STK32B: variants seen among roughly 807,000 people sequenced by gnomAD.
STK32B encodes the protein serine/threonine kinase 32B.
In STK32B, 43 loss-of-function variants were observed where a neutral mutation model predicts 52.6. That is an observed-to-expected ratio of 0.82 (90% CI 0.64 to 1.05). STK32B has a LOEUF of 1.05. Ranked by LOEUF, STK32B falls within the 50% of genes least tolerant of loss-of-function variation. STK32B has a pLI of 0.00. For synonymous variants in STK32B, 238 were observed against 204.3 expected (o/e 1.17, Z -1.41); for missense variants, 621 against 534.6 (o/e 1.16, Z -1.59).
chr4:5,345,794 A>T (rs1273180432), intron 4 of STK32B, among the ~76,000 whole-genome samples: 1 of 152,268 alleles, frequency 6.6e-6, no homozygotes, highest in Non-Finnish European at 1.5e-5. Context: ...CTGCTATCCA[A>T]GCTTTCGTGA....
chr4:5,173,031 G>C (rs1719520405), intron 3 of STK32B, among the ~76,000 whole-genome samples: 1 of 152,228 alleles, frequency 6.6e-6, no homozygotes, highest in African/African-American at 2.4e-5. Context: ...TCTTGATTTA[G>C]TCTTGGGAGA....
intron 3 of STK32B, among the ~76,000 whole-genome samples, chr4:5,318,377 G>T (rs1227861138): frequency 6.6e-6 from 1 of 152,000 alleles, no homozygotes; most frequent in African/African-American, 2.4e-5. Flanking sequence ...GGAAGATGGA[G>T]CAGGGAAAAG....
chr4:5,063,836 T>C (rs1414937256), intron 1 of STK32B, among the ~76,000 whole-genome samples: 3 of 152,228 alleles, frequency 2.0e-5, no homozygotes, highest in Admixed American at 6.5e-5. Context: ...TTTATTACTG[T>C]TGACTTTTCA....
intron 3 of STK32B, among the ~76,000 whole-genome samples, chr4:5,219,671 CCT>C (rs1358871513): frequency 6.6e-6 from 1 of 152,200 alleles, no homozygotes; most frequent in Non-Finnish European, 1.5e-5. Flanking sequence ...GTAAGAAGTC[CCT>C]GTTAGGGCTG....
At chr4:5,329,492 TTCC>T (rs1328354435) in intron 3 of STK32B, among the ~76,000 whole-genome samples, 2 of 152,130 alleles carry the variant, frequency 1.3e-5, no homozygotes, top group Non-Finnish European at 2.9e-5. Flanking sequence ...ACTTTCCCAA[TTCC>T]TCCCACCCAC....
intron 1 of STK32B, among the ~76,000 whole-genome samples, chr4:5,070,684 G>A (rs1346627424): frequency 6.7e-6 from 1 of 148,312 alleles, no homozygotes; most frequent in African/African-American, 2.4e-5. Context: ...ACACAAGTAA[G>A]AAAGGATATG....
At chr4:5,324,498 G>A (rs1250436067) in intron 3 of STK32B, among the ~76,000 whole-genome samples, 1 of 152,134 alleles carries the variant, frequency 6.6e-6, no homozygotes, top group Non-Finnish European at 1.5e-5. Flanking sequence ...CTTAAAGGAG[G>A]GAGCGTCAGT....
At chr4:5,032,908 A>G in the STK32B span, among the ~76,000 whole-genome samples, 1 of 152,166 alleles carries the variant, frequency 6.6e-6, no homozygotes, top group Admixed American at 6.5e-5. Flanking sequence ...CTGAGCTCAC[A>G]GACCGGCTCT....
chr4:5,220,088 A>G (rs1313729355), intron 3 of STK32B, among the ~76,000 whole-genome samples: 1 of 152,186 alleles, frequency 6.6e-6, no homozygotes, highest in East Asian at 1.9e-4. Flanking sequence ...AAAGACTGCA[A>G]ACTCCAGTCT....
At chr4:5,026,594 G>A in the STK32B span, among the ~76,000 whole-genome samples, 4 of 152,314 alleles carry the variant, frequency 2.6e-5, no homozygotes, top group African/African-American at 9.6e-5. Flanking sequence ...TCATGCTCTC[G>A]ACACATGGGG....
chr4:5,456,141 A>G (rs1035676357), intron 7 of STK32B, among the ~76,000 whole-genome samples: 1 of 152,194 alleles, frequency 6.6e-6, no homozygotes, highest in African/African-American at 2.4e-5. Flanking sequence ...AATCTTCCCA[A>G]GCTTTGAGAG....
At chr4:5,039,441 C>G in the STK32B span, among the ~76,000 whole-genome samples, 1 of 152,172 alleles carries the variant, frequency 6.6e-6, no homozygotes, top group Non-Finnish European at 1.5e-5. Flanking sequence ...GCTTCCACAT[C>G]TTGCTCACTG....
intron 3 of STK32B, among the ~76,000 whole-genome samples, chr4:5,174,469 C>G (rs988775078): frequency 6.6e-6 from 1 of 152,274 alleles, no homozygotes; most frequent in Non-Finnish European, 1.5e-5. Context: ...TTAGTGCTTC[C>G]TTCAGGAGCT....
intron 4 of STK32B, among the ~76,000 whole-genome samples, chr4:5,366,042 T>C (rs575011251): frequency 6.6e-6 from 1 of 151,820 alleles, no homozygotes; most frequent in Non-Finnish European, 1.5e-5. Flanking sequence ...TTCTGTAGGA[T>C]GCATGCCTAC....
At chr4:5,290,395 A>C (rs11729363) in intron 3 of STK32B, among the ~76,000 whole-genome samples, 1 of 152,046 alleles carries the variant, frequency 6.6e-6, no homozygotes, top group African/African-American at 2.4e-5. Flanking sequence ...TATTTTTTCT[A>C]TTTCTGCCTA....
intron 3 of STK32B, among the ~76,000 whole-genome samples, chr4:5,308,765 A>G (rs1037375385): frequency 1.3e-5 from 2 of 152,212 alleles, no homozygotes; most frequent in African/African-American, 4.8e-5. Context: ...AATGAAGGCC[A>G]TACATGACAA....
intron 6 of STK32B, among the ~76,000 whole-genome samples, chr4:5,432,870 C>T (rs1054173873): frequency 6.6e-6 from 1 of 152,028 alleles, no homozygotes; most frequent in Non-Finnish European, 1.5e-5. Flanking sequence ...GTTTTCTCTT[C>T]ACAATAAGAT....
intron 3 of STK32B, among the ~76,000 whole-genome samples, chr4:5,172,079 G>A (rs1255099482): frequency 1.3e-5 from 2 of 151,098 alleles, no homozygotes; most frequent in Non-Finnish European, 1.5e-5. Context: ...AATTGAGAAT[G>A]GGAGTTAACT....
In STK32B at chr4:5,205,466, A is replaced by G. The variant is rs1293512508; in HGVS notation, c.260+37016A>G. On this transcript the variant is annotated intron_variant, in intron 3 of 11. Coordinates refer to ENST00000282908, the MANE Select transcript of STK32B (RefSeq NM_018401.3). ...AAAGACAAGGCAAGGTCCAGGGCAC[A>G]CAGAGACAGGGAGGAGGGGTTGTTC... Among the ~76,000 whole-genome samples the G allele has an allele frequency of 3.3e-5, 5 of 152,288 alleles. No homozygotes were observed. The South Asian group carries it at 6.2e-4, about 19-fold the overall frequency.
Sources: gnomAD v4.1 joint callset for allele counts (sites outside exome capture counted in the v4.1 genomes callset) on GRCh38, gnomAD v4.1.1 for gene constraint, MANE v1.5 for transcripts, NCBI Gene and HGNC (gene_info 2026-07-23, HGNC 2026-07-21) for gene names.